The following LYPD6B variants were observed in gnomAD, a reference collection of about 807,000 sequenced individuals.
The protein encoded by LYPD6B is ly6/PLAUR domain-containing protein 6B.
LYPD6B carries 17 observed loss-of-function variants against 22.8 expected under a neutral mutation model. That is an observed-to-expected ratio of 0.75 (90% confidence interval 0.51 to 1.12). The LOEUF is 1.12. LYPD6B is among the 50% of genes most tolerant of loss of function. The pLI is 0.00. For missense variants in LYPD6B, 221 were observed against 258.3 expected, an observed-to-expected ratio of 0.86 and a Z score of 0.99; for synonymous variants, 106 against 91.6, an observed-to-expected ratio of 1.16 and a Z score of -0.90.
rs552226297 is a variant in LYPD6B, at chr2:149,204,607, GAGCCTCCTGGC to G, written c.78-642_78-632del. The G allele has an allele frequency of 1.5e-3, 237 of 154,472 alleles. 1 individual carries two copies. Among genetic ancestry groups the G allele is most frequent in the African/African-American group, 5.4e-3 (223 of 41,620 alleles). The allele number at this position is 154,472 out of a possible 1,614,324, so 9.6% of individuals were successfully genotyped here. ...GACAACTTTTATTCTGTTTCCTCTA[GAGCCTCCTGGC>G]AGCTTCTTGTGCCCAGGGTGACAGA... On this transcript the variant is annotated intron_variant, in intron 3 of 6. Transcript: ENST00000409642.
At chr2:149,196,990 G>T (rs541277186) in intron 3 of LYPD6B, among the ~76,000 whole-genome samples, 2 of 152,234 alleles carry the variant, frequency 1.3e-5, no homozygotes. Flanking sequence ...CCAGCTGCAG[G>T]ACATTTCAGC....
At chr2:149,126,592 G>A (rs1194178558) in intron 1 of LYPD6B, among the ~76,000 whole-genome samples, 1 of 152,092 alleles carries the variant, frequency 6.6e-6, no homozygotes, top group Admixed American at 6.6e-5. Context: ...AAAGAGGAGG[G>A]GTGGGTCTTG....
At chr2:149,060,192 G>A (rs1335834071) in intron 1 of LYPD6B, among the ~76,000 whole-genome samples, 1 of 152,164 alleles carries the variant, frequency 6.6e-6, no homozygotes, top group Admixed American at 6.5e-5. Context: ...CACTTTGCAA[G>A]GCCATTTAGC....
At chr2:149,059,791 G>A (rs1205442287) in intron 1 of LYPD6B, among the ~76,000 whole-genome samples, 4 of 152,312 alleles carry the variant, frequency 2.6e-5, no homozygotes, top group Middle Eastern at 3.4e-3. Context: ...TTAGTGCTCT[G>A]TAGAGAACTT....
chr2:149,100,669 T>G (rs1391948959), intron 1 of LYPD6B, among the ~76,000 whole-genome samples: 3 of 152,184 alleles, frequency 2.0e-5, no homozygotes, highest in African/African-American at 7.2e-5. Flanking sequence ...CATCAATCCC[T>G]TCAACTCCCA....
At chr2:149,154,119 TCCCCCCAC>T in intron 2 of LYPD6B, 2 of 641,530 alleles carry the variant, frequency 3.1e-6, no homozygotes, top group African/African-American at 2.3e-5. Flanking sequence ...ATTTCCCCCA[TCCCCCCAC>T]CCCCCAAAAA....
intron 1 of LYPD6B, among the ~76,000 whole-genome samples, chr2:149,128,939 C>T (rs187351740): frequency 1.3e-5 from 2 of 152,262 alleles, no homozygotes; most frequent in Admixed American, 6.5e-5. Flanking sequence ...TTATGTAGGC[C>T]ATCTGCCCTA....
At chr2:149,043,726 A>G (rs541994354) in intron 1 of LYPD6B, among the ~76,000 whole-genome samples, 1 of 152,200 alleles carries the variant, frequency 6.6e-6, no homozygotes, top group South Asian at 2.1e-4. Flanking sequence ...AGTCTTGAAC[A>G]TTTCTATTTT....
At position 149,205,401 on chromosome 2, in the gene LYPD6B, G is replaced by C; in HGVS notation, c.226G>C (p.Asp76His). ...CTTCTATAATGTGAGGCCTCCTCTC[G>C]ACCGTAAGTAGTGGTGGTTGCCATC... The part of the protein sequence containing the change: ...INFYNVRPPL[D>H]PTPFPNSFKC... Residue 76 changes from aspartate to histidine, a missense_variant, in exon 4 of 7, where the codon GAC becomes CAC. Asp to His is a moderately conservative substitution (Grantham distance 81, BLOSUM62 -1). Transcript: ENST00000409642. 1 of 1,613,538 alleles carries C rather than the reference G, an allele frequency of 6.2e-7. No individual in the cohort carries two copies. Among genetic ancestry groups the C allele is most frequent in the Non-Finnish European group, 8.5e-7 (1 of 1,179,680 alleles).
Position 149,205,234 on chromosome 2 carries a change from G to A in LYPD6B, c.78-19G>A, listed in dbSNP as rs750348793. On this transcript the variant is annotated intron_variant, in intron 3 of 6. Coordinates refer to ENST00000409642, the MANE Select transcript of LYPD6B (RefSeq NM_177964.5). ...TGTAAAATATAAAGAAACTGAACCA[G>A]TGTGTCTTTTCACCATAGATATAAG... 27 of 1,591,784 alleles carry A rather than the reference G, an allele frequency of 1.7e-5. No individual in the cohort carries two copies. In the African/African-American group the frequency reaches 2.9e-4, roughly 17 times the overall value.
At chr2:149,161,061 C>A (rs1247563735) in intron 3 of LYPD6B, among the ~76,000 whole-genome samples, 1 of 152,150 alleles carries the variant, frequency 6.6e-6, no homozygotes, top group Non-Finnish European at 1.5e-5. Flanking sequence ...AGGGGAGTCC[C>A]CATGCTCAGC....
chr2:149,203,690 T>G (rs187732013), intron 3 of LYPD6B, among the ~76,000 whole-genome samples: 6 of 152,334 alleles, frequency 3.9e-5, no homozygotes, highest in Admixed American at 3.9e-4. Flanking sequence ...TAGCTATTGT[T>G]TTTTGAAACA....
At chr2:149,196,747 CACAT>C (rs1182826522) in intron 3 of LYPD6B, among the ~76,000 whole-genome samples, 2 of 152,190 alleles carry the variant, frequency 1.3e-5, no homozygotes, top group Non-Finnish European at 2.9e-5. Context: ...TATCCAAACA[CACAT>C]ATACAGAGAC....
At chr2:149,125,714 T>C (rs566304348) in intron 1 of LYPD6B, among the ~76,000 whole-genome samples, 1 of 152,342 alleles carries the variant, frequency 6.6e-6, no homozygotes, top group South Asian at 2.1e-4. Context: ...CCTGATATTT[T>C]AGTTCTGACT....
intron 2 of LYPD6B, among the ~76,000 whole-genome samples, chr2:149,139,631 G>GT (rs1392081997): frequency 2.0e-5 from 3 of 152,258 alleles, no homozygotes; most frequent in Middle Eastern, 3.4e-3. Flanking sequence ...AATGGGGAAA[G>GT]TTTAAGTATT....
intron 2 of LYPD6B, among the ~76,000 whole-genome samples, chr2:149,152,117 A>G (rs1559035477): frequency 6.6e-6 from 1 of 152,090 alleles, no homozygotes; most frequent in African/African-American, 2.4e-5. Context: ...TGCCTACAGA[A>G]TTTCTTTTAT....
At chr2:149,154,575 G>C (rs953436131) in intron 2 of LYPD6B, among the ~76,000 whole-genome samples, 5 of 151,488 alleles carry the variant, frequency 3.3e-5, no homozygotes, top group Non-Finnish European at 5.9e-5. Flanking sequence ...TTACCAACCA[G>C]CTCCATCCTA....
chr2:149,178,121 A>G (rs983866581), intron 3 of LYPD6B, among the ~76,000 whole-genome samples: 1 of 151,970 alleles, frequency 6.6e-6, no homozygotes, highest in African/African-American at 2.4e-5. Flanking sequence ...AATATCCTTG[A>G]CTCCAATTAA....
intron 1 of LYPD6B, among the ~76,000 whole-genome samples, chr2:149,077,219 A>G (rs1299292411): frequency 6.6e-6 from 1 of 152,192 alleles, no homozygotes; most frequent in East Asian, 1.9e-4. Flanking sequence ...AAGATAAGGC[A>G]AAAGATCAGA....
Sources: gnomAD v4.1 joint callset for allele counts (sites outside exome capture counted in the v4.1 genomes callset) on GRCh38, gnomAD v4.1.1 for gene constraint, MANE v1.5 for transcripts, NCBI Gene and HGNC (gene_info 2026-07-23, HGNC 2026-07-21) for gene names.